The following GASK1A variants were observed in gnomAD, a reference collection of about 807,000 sequenced individuals.
The protein encoded by GASK1A is golgi associated kinase 1A.
In GASK1A, 40 loss-of-function variants were observed where a neutral mutation model predicts 41.2. The ratio of observed to expected loss-of-function variants is 0.97; its 90% CI spans 0.75 to 1.27. GASK1A has a LOEUF of 1.27. Among genes scored for constraint, GASK1A ranks in the 50% most tolerant of loss-of-function variants. The pLI is 0.00. For synonymous variants in GASK1A, 316 were observed against 307.1 expected, an observed-to-expected ratio of 1.03 and a Z score of -0.30; for missense variants, 678 against 745.1, an observed-to-expected ratio of 0.91 and a Z score of 1.05.
rs531968683 is a variant in GASK1A at position 43,002,824 on chromosome 3, A to G, written c.3+23179A>G. Among the ~76,000 whole-genome samples the G allele has an allele frequency of 3.3e-5, 5 of 152,158 alleles. No homozygotes were observed. In the South Asian group the frequency reaches 8.3e-4, roughly 25 times the overall value. ...AAATTTCCTATGTGGTTCACATTGT[A>G]TTTCTATTGGTTGGCTCTGAGTGAG... On this transcript the variant is annotated intron_variant, in intron 1 of 4. Coordinates refer to ENST00000430121, the MANE Select transcript of GASK1A (RefSeq NM_001129908.3).
At chr3:43,055,968 G>T in intron 4 of GASK1A, 1 of 568,212 alleles carries the variant, frequency 1.8e-6, no homozygotes, top group Non-Finnish European at 3.1e-6. Flanking sequence ...CATCTGAAAG[G>T]TCTGTCCCCT....
intron 2 of GASK1A, among the ~76,000 whole-genome samples, chr3:43,040,245 A>T (rs115849652): frequency 1.5e-3 from 220 of 147,676 alleles, no homozygotes; most frequent in African/African-American, 5.1e-3. Flanking sequence ...TTGAATAATC[A>T]ATCTTTCCCT....
intron 1 of GASK1A, among the ~76,000 whole-genome samples, chr3:43,012,882 G>T (rs1406805052): frequency 1.3e-5 from 2 of 149,984 alleles, no homozygotes. Flanking sequence ...CACAGGAAGG[G>T]GCTATGTGAA....
intron 2 of GASK1A, among the ~76,000 whole-genome samples, chr3:43,040,716 T>A (rs937564886): frequency 2.0e-5 from 3 of 151,652 alleles, no homozygotes; most frequent in African/African-American, 2.4e-5. Flanking sequence ...GGATCTTTTT[T>A]ATTTTATTTT....
intron 2 of GASK1A, among the ~76,000 whole-genome samples, chr3:43,046,899 C>G (rs1013452656): frequency 6.6e-6 from 1 of 152,234 alleles, no homozygotes; most frequent in Non-Finnish European, 1.5e-5. Context: ...TTCTAGGCCT[C>G]CACGTGGTGT....
chr3:42,989,975 C>T (rs986948001), intron 1 of GASK1A, among the ~76,000 whole-genome samples: 1 of 152,036 alleles, frequency 6.6e-6, no homozygotes, highest in Non-Finnish European at 1.5e-5. Flanking sequence ...GTGTGGTGCT[C>T]CCAGCGTTAG....
chr3:43,021,697 G>A (rs575868261), intron 1 of GASK1A, among the ~76,000 whole-genome samples: 1 of 152,310 alleles, frequency 6.6e-6, no homozygotes, highest in Non-Finnish European at 1.5e-5. Flanking sequence ...TTTTATAGCT[G>A]AGGAAACAGG....
At position 42,979,380 on chromosome 3, in the gene GASK1A, TC is replaced by T. The variant is rs1401381015; in HGVS notation, c.-259del. On this transcript the variant is annotated 5_prime_UTR_variant, in exon 1 of 5. Transcript: ENST00000430121. ...GCGGCCGCGGGTAGGCTCCCTCAGATCCCCGTAGATCTCAGTAGATCCGGCG... is the reference window on the plus strand; with the variant it reads ...GCGGCCGCGGGTAGGCTCCCTCAGATCCCGTAGATCTCAGTAGATCCGGCG... 2.6e-6 allele frequency: 1 copy of T among 391,614 alleles called. No homozygotes were observed. The highest frequency in any genetic ancestry group is 2.1e-5 in the African/African-American group (1 of 48,360). 24.3% of individuals were successfully genotyped at this position (391,614 alleles called of 1,614,324 possible).
chr3:43,020,231 A>G (rs984303418), intron 1 of GASK1A, among the ~76,000 whole-genome samples: 3 of 152,180 alleles, frequency 2.0e-5, no homozygotes, highest in African/African-American at 7.2e-5. Context: ...CCTGCTGCCT[A>G]TTACAGTACG....
rs77453005 is a variant in GASK1A, at chr3:42,990,641, A to T, written c.3+10996A>T. Among the ~76,000 whole-genome samples the T allele has an allele frequency of 6.3e-3, 959 of 152,230 alleles. 10 individuals carry two copies. The highest frequency in any genetic ancestry group is 0.022 in the African/African-American group (914 of 41,536). On this transcript the variant is annotated intron_variant, in intron 1 of 4. Coordinates refer to ENST00000430121, the MANE Select transcript of GASK1A (RefSeq NM_001129908.3). ...AGGATGGGGGGCAGCCTACTTGTCT[A>T]CTTAATGACAGTCATTGACTGCATC...
chr3:42,987,413 G>A (rs905151391), intron 1 of GASK1A, among the ~76,000 whole-genome samples: 12 of 152,084 alleles, frequency 7.9e-5, no homozygotes, highest in Admixed American at 2.0e-4. Flanking sequence ...ACTGTGGCGT[G>A]CCTGGGCACC....
At chr3:43,053,423 G>A in intron 2 of GASK1A, 98 bp from the exon 3 acceptor site, 1 of 1,368,738 alleles carries the variant, frequency 7.3e-7, no homozygotes, top group Non-Finnish European at 9.8e-7. Flanking sequence ...TGTGGCCCCA[G>A]GGTCATGTAG....
chr3:42,980,583 G>C (rs2089277854), intron 1 of GASK1A, among the ~76,000 whole-genome samples: 1 of 152,146 alleles, frequency 6.6e-6, no homozygotes, highest in South Asian at 2.1e-4. Flanking sequence ...GGTTTAGAAG[G>C]CTGTCTAGAG....
chr3:43,001,076 C>T lies in GASK1A; in HGVS notation c.3+21431C>T, dbSNP rs566934757. Among the ~76,000 whole-genome samples the T allele has an allele frequency of 3.3e-4, 50 of 152,204 alleles. 3 individuals are homozygous for T. The highest frequency in any genetic ancestry group is 6.8e-3 in the Middle Eastern group (2 of 294). ...AGAGCTCTCTCCTTGGCTTCTCTTCCCCTCCTCCACCCCTGCCCCTCCCTG... is the reference window on the plus strand; with the variant it reads ...AGAGCTCTCTCCTTGGCTTCTCTTCTCCTCCTCCACCCCTGCCCCTCCCTG... On this transcript the variant is annotated intron_variant, in intron 1 of 4. Transcript: ENST00000430121.
chr3:42,985,532 G>A (rs1449024656), intron 1 of GASK1A, among the ~76,000 whole-genome samples: 1 of 147,806 alleles, frequency 6.8e-6, no homozygotes, highest in African/African-American at 2.5e-5. Flanking sequence ...GTTTATTGAG[G>A]CTGCCTGTGC....
intron 1 of GASK1A, among the ~76,000 whole-genome samples, chr3:43,001,086 C>G (rs931182538): frequency 6.6e-6 from 1 of 152,192 alleles, no homozygotes; most frequent in African/African-American, 2.4e-5. Context: ...CCCTCCTCCA[C>G]CCCTGCCCCT....
At chr3:43,013,959 A>ATGG in intron 1 of GASK1A, among the ~76,000 whole-genome samples, 1 of 140,322 alleles carries the variant, frequency 7.1e-6, no homozygotes, top group African/African-American at 2.7e-5. Flanking sequence ...AGGAAGGGTA[A>ATGG]TGTGAAGCCA....
At chr3:43,055,294 G>T in intron 3 of GASK1A, 138 bp from the exon 4 acceptor site, 1 of 621,938 alleles carries the variant, frequency 1.6e-6, no homozygotes, top group African/African-American at 1.8e-5. Context: ...AGCACTCAGC[G>T]GTGAGGACTG....
Position 43,057,025 on chromosome 3 carries a change from G to A in GASK1A, c.*639G>A, listed in dbSNP as rs1311553860. On this transcript the variant is annotated 3_prime_UTR_variant, in exon 5 of 5. Coordinates refer to ENST00000430121, the MANE Select transcript of GASK1A (RefSeq NM_001129908.3). ...AAACTCCCTAGCGGTGTGTATGTGT[G>A]TGTGTGTTATTCATGGTCACACTAC... 3 of 148,194 alleles carry A rather than the reference G, an allele frequency of 2.0e-5. No homozygotes were observed. The highest frequency in any genetic ancestry group is 3.1e-5 in the Non-Finnish European group (2 of 65,572). 9.2% of individuals were successfully genotyped at this position (148,194 alleles called of 1,614,324 possible). A position where few individuals can be genotyped will look rare whatever the true frequency, so the allele number is the denominator to read the frequency against.
Sources: gnomAD v4.1 joint callset for allele counts (sites outside exome capture counted in the v4.1 genomes callset) on GRCh38, gnomAD v4.1.1 for gene constraint, MANE v1.5 for transcripts, NCBI Gene and HGNC (gene_info 2026-07-23, HGNC 2026-07-21) for gene names.